The following FAM184B variants were observed in gnomAD, a reference collection of about 807,000 sequenced individuals.
FAM184B encodes protein FAM184B.
In FAM184B, 111 loss-of-function variants were observed where a neutral mutation model predicts 135.9. The ratio of observed to expected loss-of-function variants is 0.82; its 90% CI spans 0.70 to 0.96. FAM184B has a LOEUF of 0.96. Among genes scored for constraint, FAM184B ranks in the 40% least tolerant of loss-of-function variants. The pLI is 0.00. For synonymous variants in FAM184B, 552 were observed against 524.8 expected (o/e 1.05, Z -0.71); for missense variants, 1,375 against 1,323.9 (o/e 1.04, Z -0.60).
At chr4:17,661,850 G>A (rs754921557) in intron 8 of FAM184B, among the ~76,000 whole-genome samples, 7 of 152,202 alleles carry the variant, frequency 4.6e-5, no homozygotes, top group Non-Finnish European at 8.8e-5. Context: ...TTTCTCTCAG[G>A]ATAGGGCTCA....
At chr4:17,738,900 C>T (rs142622555) in intron 1 of FAM184B, among the ~76,000 whole-genome samples, 3 of 152,302 alleles carry the variant, frequency 2.0e-5, no homozygotes, top group Non-Finnish European at 4.4e-5. Flanking sequence ...TTTCCTCTCT[C>T]GCCATGTGAT....
chr4:17,705,957 T>C, intron 3 of FAM184B, 66 bp from the exon 4 acceptor site: 2 of 1,539,736 alleles, frequency 1.3e-6, no homozygotes, highest in Non-Finnish European at 1.8e-6. Flanking sequence ...CAAGGCTTTC[T>C]GCTGTCAGGC....
chr4:17,690,305 G>C (rs1716702774), intron 6 of FAM184B, among the ~76,000 whole-genome samples: 1 of 152,180 alleles, frequency 6.6e-6, no homozygotes, highest in Non-Finnish European at 1.5e-5. Context: ...GAGGGCGGGT[G>C]GGGTAGATGT....
chr4:17,754,394 A>C (rs181395921), intron 1 of FAM184B, among the ~76,000 whole-genome samples: 78 of 152,208 alleles, frequency 5.1e-4, no homozygotes, highest in African/African-American at 1.8e-3. Context: ...TCTACTAAAA[A>C]TACAAAATTA....
intron 1 of FAM184B, among the ~76,000 whole-genome samples, chr4:17,762,521 C>T (rs928753386): frequency 1.3e-5 from 2 of 152,128 alleles, no homozygotes. Context: ...CACCAACACA[C>T]GATATTGTCA....
At chr4:17,777,185 C>A (rs570199375) in intron 1 of FAM184B, among the ~76,000 whole-genome samples, 7 of 152,024 alleles carry the variant, frequency 4.6e-5, no homozygotes, top group African/African-American at 1.4e-4. Context: ...TAAAAAGGAA[C>A]GAATTAATGA....
At chr4:17,676,235 G>A (rs1014523273) in intron 7 of FAM184B, among the ~76,000 whole-genome samples, 1 of 152,128 alleles carries the variant, frequency 6.6e-6, no homozygotes. Context: ...GTGTTTCAGC[G>A]AATAGGGAGG....
chr4:17,671,371 G>A (rs985195404), intron 7 of FAM184B, among the ~76,000 whole-genome samples: 5 of 152,180 alleles, frequency 3.3e-5, no homozygotes, highest in Admixed American at 3.3e-4. Context: ...CCACTTGGAA[G>A]AGAATGGAGG....
At chr4:17,695,164 T>TTTTTG (rs1716827039) in intron 5 of FAM184B, among the ~76,000 whole-genome samples, 3 of 125,768 alleles carry the variant, frequency 2.4e-5, no homozygotes, top group African/African-American at 6.2e-5. Flanking sequence ...TCTTTGTTGT[T>TTTTTG]TTTTTTTTTT....
At chr4:17,639,536 A>C in intron 13 of FAM184B, 140 bp from the exon 14 acceptor site, 1 of 1,039,720 alleles carries the variant, frequency 9.6e-7, no homozygotes, top group South Asian at 1.6e-5. Flanking sequence ...CACCTGTGGG[A>C]AGAAGAGCTG....
rs915877353 is a variant in FAM184B at position 17,630,031 on chromosome 4, T to A, written c.*2501A>T. On this transcript the variant is annotated 3_prime_UTR_variant, in exon 18 of 18. Transcript: ENST00000265018. ...TCATTGCAGGGTAGAATTTAGAAAT[T>A]TAAGACTGAAAGATCTTTTCAGTCA... 4 of 152,136 alleles carry A rather than the reference T, an allele frequency of 2.6e-5. No homozygotes were observed. The highest frequency in any genetic ancestry group is 9.7e-5 in the African/African-American group (4 of 41,438). The allele number at this position is 152,136 out of a possible 1,614,324, so 9.4% of individuals were successfully genotyped here.
intron 9 of FAM184B, among the ~76,000 whole-genome samples, chr4:17,658,979 A>C (rs1456655295): frequency 6.6e-6 from 1 of 151,754 alleles, no homozygotes; most frequent in Non-Finnish European, 1.5e-5. Context: ...GCCCTGCTCT[A>C]GTTTTCTTTT....
chr4:17,634,900 G>GA lies in FAM184B; in HGVS notation c.2889+108dup, dbSNP rs1715075163. ...AACAAGTGGGTTTTTTTTTTCCAAT[G>GA]AATATTTTTCTGAGCGTACACCAGC... On this transcript the variant is annotated intron_variant, in intron 16 of 17. Coordinates refer to ENST00000265018, the MANE Select transcript of FAM184B (RefSeq NM_015688.2). 7.9e-6 allele frequency: 5 copies of GA among 630,748 alleles called. No homozygotes were observed. In the East Asian group the frequency reaches 1.6e-4, roughly 20 times the overall value. The allele number at this position is 630,748 out of a possible 1,614,324, so 39.1% of individuals were successfully genotyped here.
At position 17,642,168 on chromosome 4, in the gene FAM184B, C is replaced by G. The variant is rs370959255; in HGVS notation, c.2407G>C (p.Glu803Gln). 4 of 1,532,516 alleles carry G rather than the reference C, an allele frequency of 2.6e-6. No homozygotes were observed. Among genetic ancestry groups the G allele is most frequent in the Non-Finnish European group, 3.5e-6 (4 of 1,145,270 alleles). 94.9% of individuals were successfully genotyped at this position (1,532,516 alleles called of 1,614,324 possible). A position where few individuals can be genotyped will look rare whatever the true frequency, so the allele number is the denominator to read the frequency against. ...PPGAAGQGSG[E>Q]GCGLWEENAQ... is the part of the protein sequence containing the mutation. ...TTCTCCTCCCAGAGCCCGCATCCCT[C>G]GCCGGAACCCTGCCCAGCAGCGCCC... The change falls in exon 13 of 18, where the codon GAG becomes CAG. Residue 803 changes from glutamate (E) to glutamine (Q), a missense_variant. Physicochemically the swap from Glu to Gln is conservative, Grantham distance 29. Transcript: ENST00000265018.
intron 5 of FAM184B, among the ~76,000 whole-genome samples, chr4:17,702,518 C>A (rs1717011905): frequency 6.6e-6 from 1 of 152,094 alleles, no homozygotes; most frequent in Non-Finnish European, 1.5e-5. Context: ...CAGACAAGGG[C>A]TCAAAGAAAT....
At chr4:17,653,543 C>T (rs1312854412) in intron 10 of FAM184B, among the ~76,000 whole-genome samples, 1 of 152,008 alleles carries the variant, frequency 6.6e-6, no homozygotes, top group African/African-American at 2.4e-5. Context: ...TTCTTTTTTT[C>T]CCTACTTTTT....
At chr4:17,757,786 G>C (rs1474846698) in intron 1 of FAM184B, among the ~76,000 whole-genome samples, 1 of 152,054 alleles carries the variant, frequency 6.6e-6, no homozygotes, top group Admixed American at 6.6e-5. Context: ...TCAGAGTACA[G>C]AATTTGTATA....
intron 7 of FAM184B, among the ~76,000 whole-genome samples, chr4:17,683,421 C>T (rs1427228447): frequency 3.3e-5 from 5 of 152,108 alleles, no homozygotes; most frequent in African/African-American, 1.2e-4. Flanking sequence ...CTCACAAAGA[C>T]CCTCTGGAGT....
At position 17,705,827 on chromosome 4, in the gene FAM184B, G is replaced by A. The variant is rs766311655; in HGVS notation, c.1095C>T (p.Ala365=). 56 of 1,551,968 alleles carry A rather than the reference G, an allele frequency of 3.6e-5. No individual in the cohort carries two copies. In the African/African-American group the frequency reaches 4.7e-4, roughly 13 times the overall value. ...GATCCTGCTGAGGATGAAGATTGCC[G>A]GCTTCCAAGTCATTCTCTTCCCGCA... ...KVLREENDLE[A]GNLHPQQDQS... is the part of the protein sequence containing the mutation. The change falls in exon 4 of 18, where the codon GCC becomes GCT. Residue 365 remains alanine, a synonymous_variant. Transcript: ENST00000265018.
Sources: allele counts gnomAD v4.1 joint callset (sites outside exome capture counted in the v4.1 genomes callset), GRCh38; gene constraint gnomAD v4.1.1; transcripts MANE v1.5; gene names NCBI Gene and HGNC (gene_info 2026-07-23, HGNC 2026-07-21).